HSPA4L: variants seen among roughly 807,000 people sequenced by gnomAD.
The protein encoded by HSPA4L is heat shock 70 kDa protein 4L.
Under a neutral mutation model 100.3 loss-of-function variants are expected in HSPA4L, and 48 were observed. That is an observed-to-expected ratio of 0.48 (90% CI 0.38 to 0.61). The LOEUF is 0.61. HSPA4L is among the 20% of genes least tolerant of loss of function. HSPA4L has a pLI of 0.00. For synonymous variants in HSPA4L, 319 were observed against 328.2 expected, an observed-to-expected ratio of 0.97 and a Z score of 0.30; for missense variants, 886 against 988.6, an observed-to-expected ratio of 0.90 and a Z score of 1.39.
intron 12 of HSPA4L, among the ~76,000 whole-genome samples, chr4:127,814,840 C>T (rs1443363029): frequency 6.6e-6 from 1 of 152,158 alleles, no homozygotes; most frequent in South Asian, 2.1e-4. Context: ...GCTGGGATTA[C>T]AGGCGTGAGC....
rs886509021 is a variant in HSPA4L at position 127,834,498 on chromosome 4, CTCT to C, written c.*1626_*1628del. ...TATTCCGTCTTTTGAGGGGAAGAAT[CTCT>C]TTTTTGCATTAAAAAATCATATAAA... On this transcript the variant is annotated 3_prime_UTR_variant, in exon 19 of 19. Transcript: ENST00000296464. 5 of 152,080 alleles carry C rather than the reference CTCT, an allele frequency of 3.3e-5. No individual in the cohort carries two copies. Among genetic ancestry groups the C allele is most frequent in the Admixed American group, 3.3e-4 (5 of 15,268 alleles). 9.4% of individuals were successfully genotyped at this position (152,080 alleles called of 1,614,324 possible).
At chr4:127,829,198 A>T (rs2148800550) in intron 17 of HSPA4L, among the ~76,000 whole-genome samples, 1 of 152,294 alleles carries the variant, frequency 6.6e-6, no homozygotes, top group East Asian at 1.9e-4. Flanking sequence ...TGCTCTAGAC[A>T]AAGAATAGCA....
intron 1 of HSPA4L, among the ~76,000 whole-genome samples, chr4:127,788,580 T>C (rs1732781898): frequency 6.6e-6 from 1 of 152,234 alleles, no homozygotes; most frequent in South Asian, 2.1e-4. Flanking sequence ...TGAGGAATTA[T>C]GTTTCATAGA....
chr4:127,798,714 G>C lies in HSPA4L; in HGVS notation c.429+5G>C. 6.2e-7 allele frequency: 1 copy of C among 1,612,944 alleles called. No individual in the cohort carries two copies. Among genetic ancestry groups the C allele is most frequent in the Non-Finnish European group, 8.5e-7 (1 of 1,179,294 alleles). ...GTGGCTGACTGTGTGATTTCAGTAA[G>C]TTTTACTTCAGTAATGAATACCCTT... On this transcript the variant is annotated splice_donor_5th_base_variant and intron_variant, in intron 4 of 18. Transcript: ENST00000296464.
chr4:127,825,370 T>C (rs1733923716), intron 16 of HSPA4L, among the ~76,000 whole-genome samples: 1 of 152,068 alleles, frequency 6.6e-6, no homozygotes, highest in Admixed American at 6.5e-5. Context: ...ATTATATAGA[T>C]GCTAAATGAT....
At chr4:127,803,987 G>A in intron 7 of HSPA4L, 24 bp from the exon 8 acceptor site, 1 of 1,611,370 alleles carries the variant, frequency 6.2e-7, no homozygotes, top group Non-Finnish European at 8.5e-7. Context: ...CCAGAATAAT[G>A]AATTTTATTC....
chr4:127,790,624 G>T (rs1221129894), intron 1 of HSPA4L, among the ~76,000 whole-genome samples: 1 of 151,882 alleles, frequency 6.6e-6, no homozygotes, highest in Non-Finnish European at 1.5e-5. Flanking sequence ...ATATATATTT[G>T]CTTGGATGCC....
chr4:127,798,139 C>T (rs1733075455), intron 3 of HSPA4L, among the ~76,000 whole-genome samples: 1 of 152,140 alleles, frequency 6.6e-6, no homozygotes. Flanking sequence ...TACATAAACA[C>T]ATTGTGCTGC....
intron 10 of HSPA4L, 78 bp from the exon 11 acceptor site, chr4:127,807,915 TAAG>T: frequency 2.9e-6 from 4 of 1,368,008 alleles, no homozygotes; most frequent in Non-Finnish European, 4.0e-6. Flanking sequence ...GCTAATGAAT[TAAG>T]AATGAAATGG....
At chr4:127,789,364 T>C (rs188480964) in intron 1 of HSPA4L, among the ~76,000 whole-genome samples, 137 of 152,224 alleles carry the variant, frequency 9.0e-4, no homozygotes, top group Non-Finnish European at 1.5e-3. Flanking sequence ...AAACCGTCCC[T>C]GGCCGGGCAC....
intron 1 of HSPA4L, among the ~76,000 whole-genome samples, chr4:127,783,041 G>A (rs1009493764): frequency 6.6e-6 from 1 of 152,136 alleles, no homozygotes; most frequent in Admixed American, 6.5e-5. Context: ...CGAGGTTTAC[G>A]TGGGATTATC....
chr4:127,823,775 G>A lies in HSPA4L; in HGVS notation c.2046+151G>A, dbSNP rs1733875550. ...GTGGTGTACGACATGTTTTGATTAT[G>A]CACACATTGTGGAATGGCTAAGTCA... On this transcript the variant is annotated intron_variant, in intron 16 of 18. Transcript: ENST00000296464. The A allele has an allele frequency of 1.0e-5, 6 of 580,358 alleles. No homozygotes were observed. In the Admixed American group the frequency reaches 1.9e-4, roughly 18 times the overall value. The allele number at this position is 580,358 out of a possible 1,614,324, so 36.0% of individuals were successfully genotyped here.
chr4:127,812,063 G>A (rs978864438), intron 12 of HSPA4L, among the ~76,000 whole-genome samples: 1 of 152,066 alleles, frequency 6.6e-6, no homozygotes. Flanking sequence ...TTATTTGGGG[G>A]ACATCTGAGA....
intron 8 of HSPA4L, among the ~76,000 whole-genome samples, chr4:127,804,682 T>TATAG (rs1187890068): frequency 3.3e-5 from 5 of 151,814 alleles, no homozygotes; most frequent in African/African-American, 9.7e-5. Flanking sequence ...GTTTATAAAC[T>TATAG]ATAGATGATT....
intron 4 of HSPA4L, among the ~76,000 whole-genome samples, chr4:127,800,070 A>G (rs1005858492): frequency 1.2e-4 from 18 of 152,250 alleles, no homozygotes; most frequent in African/African-American, 4.1e-4. Flanking sequence ...AAATGGGTCT[A>G]TATGTCAAAA....
At chr4:127,786,017 C>G (rs1732706848) in intron 1 of HSPA4L, among the ~76,000 whole-genome samples, 1 of 152,000 alleles carries the variant, frequency 6.6e-6, no homozygotes, top group Admixed American at 6.6e-5. Flanking sequence ...TTAAGTATAC[C>G]AAGGTGATTA....
In HSPA4L at chr4:127,838,023, G is replaced by A. The variant is rs1437359037; in HGVS notation, c.*5149G>A. On this transcript the variant is annotated 3_prime_UTR_variant, in exon 19 of 19. Coordinates refer to ENST00000296464, the MANE Select transcript of HSPA4L (RefSeq NM_014278.4). ...TCATCATGTTGGCCAGGCTGGTTTT[G>A]AACTCCTGACTTCAAATGATCCACC... The A allele has an allele frequency of 2.0e-5, 3 of 152,082 alleles. No homozygotes were observed. The highest frequency in any genetic ancestry group is 7.2e-5 in the African/African-American group (3 of 41,418). The allele number at this position is 152,082 out of a possible 1,614,324, so 9.4% of individuals were successfully genotyped here. A position where few individuals can be genotyped will look rare whatever the true frequency, so the allele number is the denominator to read the frequency against.
chr4:127,825,006 G>T (rs1333143722), intron 16 of HSPA4L, among the ~76,000 whole-genome samples: 4 of 152,088 alleles, frequency 2.6e-5, no homozygotes, highest in African/African-American at 7.2e-5. Context: ...TGAGCGTGGT[G>T]GCGGGCACCT....
At chr4:127,807,592 A>G (rs892586665) in intron 10 of HSPA4L, among the ~76,000 whole-genome samples, 5 of 152,088 alleles carry the variant, frequency 3.3e-5, no homozygotes, top group Non-Finnish European at 7.4e-5. Context: ...GCACCTTTTC[A>G]TAGGTTTAAA....
Sources: gnomAD v4.1 joint callset for allele counts (sites outside exome capture counted in the v4.1 genomes callset) on GRCh38, gnomAD v4.1.1 for gene constraint, MANE v1.5 for transcripts, NCBI Gene and HGNC (gene_info 2026-07-23, HGNC 2026-07-21) for gene names.